Variants in FCGR2A observed in about 807,000 individuals in gnomAD.
The protein encoded by FCGR2A is Fc gamma receptor IIa, also known as low affinity immunoglobulin gamma Fc region receptor II-a.
In FCGR2A, 18 loss-of-function variants were observed where a neutral mutation model predicts 29.3. That is an observed-to-expected ratio of 0.62 (90% CI 0.43 to 0.91). The LOEUF (loss-of-function observed/expected upper bound fraction) is 0.91, where lower values mean the gene tolerates loss of function less well. Among genes scored for constraint, FCGR2A ranks in the 40% least tolerant of loss-of-function variants. FCGR2A has a pLI of 0.00. For missense variants in FCGR2A, 287 were observed against 393.0 expected (o/e 0.73, Z 2.28); for synonymous variants, 126 against 144.8 (o/e 0.87, Z 0.93).
downstream of FCGR2A, among the ~76,000 whole-genome samples, chr1:161,521,619 A>G (rs1338397146): frequency 1.3e-5 from 2 of 152,070 alleles, no homozygotes; most frequent in Non-Finnish European, 2.9e-5. Flanking sequence ...ACCCAGTGGA[A>G]GGTAACTGAA....
chr1:161,506,082 C>T (rs374804835), intron 2 of FCGR2A, 75 bp downstream of exon 2: 94 of 1,478,316 alleles, frequency 6.4e-5, no homozygotes, highest in South Asian at 1.7e-4. Context: ...GCTGGGGCGG[C>T]GGGGGGGTAT....
chr1:161,513,849 T>A, intron 5 of FCGR2A, 46 bp from the exon 6 acceptor site: 1 of 1,614,206 alleles, frequency 6.2e-7, no homozygotes, highest in Non-Finnish European at 8.5e-7. Context: ...GGGCAGGCCC[T>A]TTTCAACAGC....
intron 5 of FCGR2A, 48 bp from the exon 6 acceptor site, chr1:161,513,847 C>T (rs376496166): frequency 1.6e-5 from 26 of 1,614,098 alleles, no homozygotes; most frequent in African/African-American, 9.3e-5. Flanking sequence ...GTGGGCAGGC[C>T]CTTTTCAACA....
downstream of FCGR2A, chr1:161,519,981 T>G (rs989744689): frequency 7.2e-5 from 11 of 151,844 alleles, no homozygotes; most frequent in African/African-American, 2.7e-4. Flanking sequence ...CACAGTCTCC[T>G]TGATGGTTTG....
chr1:161,523,944 T>A (rs1167040062), downstream of FCGR2A: 1 of 152,600 alleles, frequency 6.6e-6, no homozygotes, highest in Non-Finnish European at 1.5e-5. Context: ...CCTGCAGTAT[T>A]GTCTCTTAAA....
intron 6 of FCGR2A, among the ~76,000 whole-genome samples, chr1:161,517,494 A>G (rs1203814391): frequency 2.0e-5 from 3 of 152,176 alleles, no homozygotes; most frequent in Admixed American, 6.5e-5. Context: ...TGCAAAAGAC[A>G]GGAATAGGAA....
downstream of FCGR2A, among the ~76,000 whole-genome samples, chr1:161,522,324 A>G (rs3098487): frequency 2.6e-5 from 4 of 152,172 alleles, no homozygotes; most frequent in Non-Finnish European, 5.9e-5. Flanking sequence ...CTATGTTTGA[A>G]CCACTCTGAA....
At chr1:161,521,501 T>TTATATATA (rs11414193), downstream of FCGR2A, among the ~76,000 whole-genome samples, 1 of 150,802 alleles carries the variant, frequency 6.6e-6, no homozygotes, top group Non-Finnish European at 1.5e-5. Context: ...TCACTGACTT[T>TTATATATA]TATATATATA....
intron 3 of FCGR2A, among the ~76,000 whole-genome samples, chr1:161,508,579 C>T (rs551070948): frequency 2.1e-5 from 3 of 145,884 alleles, no homozygotes; most frequent in Non-Finnish European, 4.5e-5. Context: ...AAGAGCGAAA[C>T]TCCATCTCAA....
Position 161,509,791 on chromosome 1 carries a change from C to A in FCGR2A, c.365-29C>A, listed in dbSNP as rs778861856. On this transcript the variant is annotated intron_variant, in intron 3 of 6. Transcript: ENST00000271450. ...AAACCCTTGGAATCTATCCTTACAACTTTTTCTTATCATATTTGTGTCTTT... is the reference window on the plus strand; with the variant it reads ...AAACCCTTGGAATCTATCCTTACAAATTTTTCTTATCATATTTGTGTCTTT... The A allele has an allele frequency of 4.3e-6, 7 of 1,613,226 alleles. No homozygotes were observed. In the African/African-American group the frequency reaches 6.7e-5, roughly 15 times the overall value.
intron 6 of FCGR2A, 94 bp downstream of exon 6, chr1:161,514,026 G>A: frequency 6.3e-7 from 1 of 1,579,616 alleles, no homozygotes; most frequent in Admixed American, 1.7e-5. Flanking sequence ...AATTAAAATG[G>A]AGACTGGGCC....
chr1:161,521,316 T>A (rs1676439556), downstream of FCGR2A, among the ~76,000 whole-genome samples: 2 of 152,080 alleles, frequency 1.3e-5, no homozygotes, highest in Non-Finnish European at 2.9e-5. Context: ...TAGTGCATAG[T>A]AAAGCGCTTA....
At chr1:161,515,666 G>T (rs1185713537) in intron 6 of FCGR2A, among the ~76,000 whole-genome samples, 3 of 152,052 alleles carry the variant, frequency 2.0e-5, no homozygotes, top group South Asian at 4.2e-4. Flanking sequence ...AAACAAACTG[G>T]CAAATGAAAA....
intron 6 of FCGR2A, 102 bp downstream of exon 6, chr1:161,514,034 G>C (rs1675988896): frequency 1.3e-6 from 2 of 1,550,790 alleles, no homozygotes; most frequent in Non-Finnish European, 1.8e-6. Context: ...TGGAGACTGG[G>C]CCTGAAAACT....
intron 3 of FCGR2A, among the ~76,000 whole-genome samples, chr1:161,507,526 C>T (rs1039794540): frequency 1.3e-5 from 2 of 152,234 alleles, no homozygotes; most frequent in African/African-American, 2.4e-5. Flanking sequence ...GAGATGGTCA[C>T]AGGTAAACAT....
intron 5 of FCGR2A, 66 bp downstream of exon 5, chr1:161,511,022 A>T (rs1314474062): frequency 1.2e-5 from 19 of 1,611,150 alleles, no homozygotes; most frequent in Admixed American, 1.0e-4. Flanking sequence ...AACCCCAGAC[A>T]TTGCCAGAAT....
rs1354551427 is a variant in FCGR2A at position 161,518,705 on chromosome 1, G to T, written c.*557G>T. ...GGCTCACTGCAAACCCGCCTCCCAG[G>T]TTTAAGCGATTCTCATGCCTCAGCC... On this transcript the variant is annotated 3_prime_UTR_variant, in exon 7 of 7. Transcript: ENST00000271450. The T allele has an allele frequency of 6.3e-6, 1 of 157,544 alleles. No homozygotes were observed. Among genetic ancestry groups the T allele is most frequent in the Non-Finnish European group, 1.4e-5 (1 of 71,780 alleles). 9.8% of individuals were successfully genotyped at this position (157,544 alleles called of 1,614,324 possible). A position where few individuals can be genotyped will look rare whatever the true frequency, so the allele number is the denominator to read the frequency against.
intron 2 of FCGR2A, 153 bp from the exon 3 acceptor site, chr1:161,506,181 A>G: frequency 7.8e-7 from 1 of 1,280,324 alleles, no homozygotes; most frequent in East Asian, 2.3e-5. Context: ...AGATCCACTG[A>G]AGACCCAAGG....
chr1:161,510,905 A>T lies in FCGR2A; in HGVS notation c.691A>T (p.Ile231Phe). 6.2e-7 allele frequency: 1 copy of T among 1,614,166 alleles called. No homozygotes were observed. The highest frequency in any genetic ancestry group is 8.5e-7 in the Non-Finnish European group (1 of 1,180,016). Residue 231 changes from isoleucine to phenylalanine, a missense_variant, in exon 5 of 7, where the codon ATT becomes TTT. Ile to Phe is a conservative substitution (Grantham distance 21). Transcript: ENST00000271450. ...AVVIATAVAA[I>F]VAAVVALIYC... ...GGTCATTGCGACTGCTGTAGCAGCC[A>T]TTGTTGCTGCTGTAGTGGCCTTGAT...
Sources: allele counts gnomAD v4.1 joint callset (sites outside exome capture counted in the v4.1 genomes callset), GRCh38; gene constraint gnomAD v4.1.1; transcripts MANE v1.5; gene names NCBI Gene and HGNC (gene_info 2026-07-23, HGNC 2026-07-21).